FTCDNL1: variants seen among roughly 807,000 people sequenced by gnomAD.
The protein encoded by FTCDNL1 is formiminotransferase cyclodeaminase N-terminal like.
In FTCDNL1, 11 loss-of-function variants were observed where a neutral mutation model predicts 5.9. The observed-to-expected ratio is 1.87, with a 90% CI of 1.18 to 3.10. FTCDNL1 has a LOEUF of 3.10. Ranked by LOEUF, FTCDNL1 falls within the 30% of genes most tolerant of loss-of-function variation. The pLI, the probability that FTCDNL1 is intolerant of heterozygous loss-of-function variation, is 0.00. For synonymous variants in FTCDNL1, 58 were observed against 24.8 expected (o/e 2.34, Z -3.99); for missense variants, 115 against 65.5 (o/e 1.76, Z -2.61).
intron 3 of FTCDNL1, among the ~76,000 whole-genome samples, chr2:199,826,977 A>G (rs1702077152): frequency 6.6e-6 from 1 of 152,238 alleles, no homozygotes; most frequent in Non-Finnish European, 1.5e-5. Context: ...ATATGATTGT[A>G]TTAGGCAAAG....
chr2:199,683,768 T>C, the FTCDNL1 span, among the ~76,000 whole-genome samples: 1 of 152,194 alleles, frequency 6.6e-6, no homozygotes, highest in Non-Finnish European at 1.5e-5. Context: ...GGTTTGTGAA[T>C]GCAAAATACC....
chr2:199,754,858 T>C, the FTCDNL1 span, among the ~76,000 whole-genome samples: 1 of 152,230 alleles, frequency 6.6e-6, no homozygotes, highest in Non-Finnish European at 1.5e-5. Flanking sequence ...CACACATAAT[T>C]TTAAACTATA....
downstream of FTCDNL1, among the ~76,000 whole-genome samples, chr2:199,757,325 AG>A (rs1698107306): frequency 6.6e-6 from 1 of 152,170 alleles, no homozygotes; most frequent in Non-Finnish European, 1.5e-5. Context: ...ATCCAAGGAA[AG>A]GGGTGCCACT....
At chr2:199,806,180 T>C (rs972606852), downstream of FTCDNL1, among the ~76,000 whole-genome samples, 3 of 152,176 alleles carry the variant, frequency 2.0e-5, no homozygotes, top group Non-Finnish European at 4.4e-5. Context: ...TCTAAGAGAT[T>C]GCTGAGGGTG....
chr2:199,709,327 G>A, the FTCDNL1 span, among the ~76,000 whole-genome samples: 3 of 152,052 alleles, frequency 2.0e-5, no homozygotes, highest in African/African-American at 7.2e-5. Flanking sequence ...TTATTACATT[G>A]TATGGGGATA....
chr2:199,743,865 A>G, the FTCDNL1 span, among the ~76,000 whole-genome samples: 1 of 152,202 alleles, frequency 6.6e-6, no homozygotes, highest in African/African-American at 2.4e-5. Flanking sequence ...AGTGGTTTGC[A>G]TAAGAATCTG....
intron 3 of FTCDNL1, among the ~76,000 whole-genome samples, chr2:199,838,028 C>T (rs1442567163): frequency 6.6e-6 from 1 of 152,166 alleles, no homozygotes; most frequent in Non-Finnish European, 1.5e-5. Flanking sequence ...TCTGCGCTGA[C>T]CCCTCCCCTC....
At chr2:199,672,753 T>C in the FTCDNL1 span, among the ~76,000 whole-genome samples, 1 of 151,998 alleles carries the variant, frequency 6.6e-6, no homozygotes, top group African/African-American at 2.4e-5. Flanking sequence ...CTAGGATATC[T>C]GGACTTCTAA....
intron 3 of FTCDNL1, among the ~76,000 whole-genome samples, chr2:199,840,593 GT>G (rs2076557058): frequency 6.6e-6 from 1 of 152,094 alleles, no homozygotes; most frequent in Admixed American, 6.6e-5. Context: ...ACGTACCAGT[GT>G]TTAAGTGTGA....
the FTCDNL1 span, among the ~76,000 whole-genome samples, chr2:199,682,037 G>GTTGTTGT: frequency 6.6e-6 from 1 of 152,146 alleles, no homozygotes; most frequent in Non-Finnish European, 1.5e-5. Flanking sequence ...GTTGGGTGTT[G>GTTGTTGT]TGATGGTTAA....
chr2:199,710,313 T>A, the FTCDNL1 span, among the ~76,000 whole-genome samples: 4 of 152,052 alleles, frequency 2.6e-5, no homozygotes, highest in Non-Finnish European at 4.4e-5. Context: ...AATATATGAG[T>A]TCAAGAAGTT....
At chr2:199,713,385 G>A in the FTCDNL1 span, among the ~76,000 whole-genome samples, 2 of 152,096 alleles carry the variant, frequency 1.3e-5, no homozygotes, top group Non-Finnish European at 2.9e-5. Context: ...AATGAATAAG[G>A]TGAGCCTGCA....
At chr2:199,828,002 C>A (rs1002681686) in intron 3 of FTCDNL1, among the ~76,000 whole-genome samples, 1 of 152,152 alleles carries the variant, frequency 6.6e-6, no homozygotes, top group African/African-American at 2.4e-5. Flanking sequence ...AATGAAGAGA[C>A]AACCAAGGCC....
At chr2:199,705,774 T>C in the FTCDNL1 span, among the ~76,000 whole-genome samples, 1 of 152,144 alleles carries the variant, frequency 6.6e-6, no homozygotes, top group Admixed American at 6.5e-5. Context: ...AAGAAGCAGA[T>C]GCCAAGATGA....
At chr2:199,736,594 C>T in the FTCDNL1 span, among the ~76,000 whole-genome samples, 1 of 152,180 alleles carries the variant, frequency 6.6e-6, no homozygotes, top group Non-Finnish European at 1.5e-5. Context: ...CATTAAGCTG[C>T]CTTCACTGAG....
chr2:199,765,552 A>ATT lies in FTCDNL1; in HGVS notation c.212-4718_212-4717insAA, dbSNP rs1408657776. 1.9e-3 allele frequency among the ~76,000 whole-genome samples: 112 copies of ATT among 57,694 alleles called. 3 individuals are homozygous for ATT. The East Asian group carries it at 0.029, about 15-fold the overall frequency. The allele number at this position is 57,694 out of a possible 152,430, so 37.8% of individuals were successfully genotyped here. A position where few individuals can be genotyped will look rare whatever the true frequency, so the allele number is the denominator to read the frequency against. On this transcript the variant is annotated intron_variant, in intron 3 of 3. Coordinates refer to the FTCDNL1 transcript ENST00000416668. ...CTTCATTATATATATATATATATAT[A>ATT]TATATTTTTTTTTTTTTTTTTGGAG...
the FTCDNL1 span, among the ~76,000 whole-genome samples, chr2:199,733,681 C>A: frequency 2.0e-5 from 3 of 152,168 alleles, no homozygotes; most frequent in Admixed American, 6.5e-5. Flanking sequence ...GCAAGTTCTT[C>A]CTGCTCCGTA....
chr2:199,700,545 TCTA>T, the FTCDNL1 span, among the ~76,000 whole-genome samples: 1 of 152,128 alleles, frequency 6.6e-6, no homozygotes, highest in South Asian at 2.1e-4. Flanking sequence ...AAAAAACTAT[TCTA>T]AAATTAATAT....
At chr2:199,708,064 T>A in the FTCDNL1 span, among the ~76,000 whole-genome samples, 6 of 152,068 alleles carry the variant, frequency 3.9e-5, no homozygotes, top group Admixed American at 1.3e-4. Flanking sequence ...ACATTTATGT[T>A]AGATTGTTTA....
Sources: allele counts gnomAD v4.1 joint callset (sites outside exome capture counted in the v4.1 genomes callset), GRCh38; gene constraint gnomAD v4.1.1; transcripts MANE v1.5; gene names NCBI Gene and HGNC (gene_info 2026-07-23, HGNC 2026-07-21).